The following C12orf42 variants were observed in gnomAD, a reference collection of about 807,000 sequenced individuals.
C12orf42 encodes the protein uncharacterized protein C12orf42.
Under a neutral mutation model 21.6 loss-of-function variants are expected in C12orf42, and 25 were observed. That is an observed-to-expected ratio of 1.16 (90% CI 0.84 to 1.62). The LOEUF (loss-of-function observed/expected upper bound fraction) is 1.62, where lower values mean the gene tolerates loss of function less well. C12orf42 is among the 40% of genes most tolerant of loss of function. The probability of loss-of-function intolerance (pLI) is 0.00; values close to 1 mark genes in which losing one functional copy is unlikely to be tolerated. For missense variants in C12orf42, 483 were observed against 459.3 expected (o/e 1.05, Z -0.47); for synonymous variants, 174 against 175.0 (o/e 0.99, Z 0.05).
At chr12:103,053,819 T>C in the C12orf42 span, among the ~76,000 whole-genome samples, 2 of 151,968 alleles carry the variant, frequency 1.3e-5, no homozygotes, top group African/African-American at 4.8e-5. Flanking sequence ...CCTGTGAACG[T>C]CCACTTGCTC....
chr12:103,224,722 T>C, the C12orf42 span, among the ~76,000 whole-genome samples: 114 of 152,202 alleles, frequency 7.5e-4, no homozygotes, highest in African/African-American at 2.6e-3. Flanking sequence ...GCATAGTTTG[T>C]GATTTTGAGG....
the C12orf42 span, among the ~76,000 whole-genome samples, chr12:103,216,169 T>C: frequency 3.9e-5 from 6 of 152,236 alleles, no homozygotes; most frequent in African/African-American, 1.4e-4. Flanking sequence ...CTCTCTAATA[T>C]GAGCCTATGG....
chr12:103,421,887 C>T (rs529616403), intron 2 of C12orf42, among the ~76,000 whole-genome samples: 2 of 152,196 alleles, frequency 1.3e-5, no homozygotes, highest in Admixed American at 1.3e-4. Context: ...ATCCTATTCG[C>T]CTGTCTTATA....
intron 2 of C12orf42, among the ~76,000 whole-genome samples, chr12:103,416,659 AAGAT>A (rs1266876782): frequency 1.3e-5 from 2 of 152,188 alleles, no homozygotes; most frequent in African/African-American, 4.8e-5. Context: ...CAGGAATACA[AAGAT>A]AGATATTTTT....
At chr12:103,121,687 G>A in the C12orf42 span, among the ~76,000 whole-genome samples, 1 of 152,320 alleles carries the variant, frequency 6.6e-6, no homozygotes, top group Non-Finnish European at 1.5e-5. Context: ...TTTCTCATGT[G>A]TGAAGTCTGA....
At chr12:103,170,196 G>T in the C12orf42 span, among the ~76,000 whole-genome samples, 3 of 151,988 alleles carry the variant, frequency 2.0e-5, no homozygotes, top group Admixed American at 1.3e-4. Context: ...GATTTCCATT[G>T]TCAAGTCTCT....
At chr12:103,380,882 T>C (rs1207487702) in intron 3 of C12orf42, among the ~76,000 whole-genome samples, 2 of 152,158 alleles carry the variant, frequency 1.3e-5, no homozygotes, top group Non-Finnish European at 2.9e-5. Context: ...GGAAAATGAG[T>C]GACAGAGTGG....
intron 4 of C12orf42, among the ~76,000 whole-genome samples, chr12:103,352,076 C>T (rs933693509): frequency 1.3e-5 from 2 of 152,100 alleles, no homozygotes; most frequent in Admixed American, 6.6e-5. Context: ...CACAAGCTCC[C>T]TTGCCCTTCC....
intron 3 of C12orf42, among the ~76,000 whole-genome samples, chr12:103,377,868 T>TTGG (rs771395111): frequency 6.6e-6 from 1 of 152,212 alleles, no homozygotes; most frequent in South Asian, 2.1e-4. Flanking sequence ...GTTAACTCAG[T>TTGG]TATCACTTTT....
chr12:103,081,726 T>G, the C12orf42 span, among the ~76,000 whole-genome samples: 1 of 152,180 alleles, frequency 6.6e-6, no homozygotes, highest in Non-Finnish European at 1.5e-5. Context: ...GTGGTTTAGT[T>G]CCATTCTGTT....
the C12orf42 span, among the ~76,000 whole-genome samples, chr12:103,214,556 C>A: frequency 6.6e-6 from 1 of 151,522 alleles, no homozygotes. Context: ...GGCCAACAAG[C>A]TGTGATTTTA....
downstream of C12orf42, among the ~76,000 whole-genome samples, chr12:103,297,233 A>T (rs932825641): frequency 3.9e-5 from 6 of 152,132 alleles, no homozygotes; most frequent in African/African-American, 1.4e-4. Flanking sequence ...CTGTTTTGGT[A>T]CCAGTACCAT....
the C12orf42 span, chr12:103,081,443 C>G: frequency 2.6e-5 from 4 of 152,114 alleles, no homozygotes; most frequent in Non-Finnish European, 4.4e-5. Context: ...CTTTATCTCT[C>G]TCTTGTGTTG....
At chr12:103,068,948 T>A in the C12orf42 span, among the ~76,000 whole-genome samples, 1 of 63,282 alleles carries the variant, frequency 1.6e-5, no homozygotes, top group Non-Finnish European at 3.0e-5. Flanking sequence ...TATATATATA[T>A]ATATATATAT....
chr12:103,407,284 C>G (rs976999625), intron 2 of C12orf42, among the ~76,000 whole-genome samples: 4 of 152,074 alleles, frequency 2.6e-5, no homozygotes, highest in African/African-American at 9.7e-5. Context: ...TTTTTCTTCC[C>G]TCAACTAGTA....
the C12orf42 span, among the ~76,000 whole-genome samples, chr12:103,129,057 C>G: frequency 3.2e-4 from 48 of 152,286 alleles, 2 homozygotes; most frequent in South Asian, 1.0e-2. Flanking sequence ...TCCTGTGCAT[C>G]TGTCAGTCAT....
At chr12:103,526,022 T>C in the C12orf42 span, among the ~76,000 whole-genome samples, 5 of 152,226 alleles carry the variant, frequency 3.3e-5, no homozygotes, top group South Asian at 1.0e-3. Context: ...TGAAGTTCTG[T>C]CTCAAAAAAA....
At chr12:103,191,008 G>A in the C12orf42 span, among the ~76,000 whole-genome samples, 1 of 152,050 alleles carries the variant, frequency 6.6e-6, no homozygotes, top group Non-Finnish European at 1.5e-5. Context: ...AAAATCAACA[G>A]GAGAAAAGTG....
chr12:103,308,192 T>A (rs779751655), intron 4 of C12orf42, among the ~76,000 whole-genome samples: 5 of 152,212 alleles, frequency 3.3e-5, no homozygotes, highest in African/African-American at 7.2e-5. Context: ...AGGGTAGTAG[T>A]TGGCATTTAG....
Sources: allele counts gnomAD v4.1 joint callset (sites outside exome capture counted in the v4.1 genomes callset), GRCh38; gene constraint gnomAD v4.1.1; transcripts MANE v1.5; gene names NCBI Gene and HGNC (gene_info 2026-07-23, HGNC 2026-07-21).